WDR41: variants seen among roughly 807,000 people sequenced by gnomAD.
The protein encoded by WDR41 is WD repeat domain 41, also known as WD repeat-containing protein 41.
In WDR41, 63 loss-of-function variants were observed where a neutral mutation model predicts 69.3. The ratio of observed to expected loss-of-function variants is 0.91; its 90% CI spans 0.74 to 1.12. The LOEUF (loss-of-function observed/expected upper bound fraction) is 1.12. Ranked by LOEUF, WDR41 falls within the 50% of genes most tolerant of loss-of-function variation. The pLI, the probability that WDR41 is intolerant of heterozygous loss-of-function variation, is 0.00. For missense variants in WDR41, 543 were observed against 534.5 expected (o/e 1.02, Z -0.16); for synonymous variants, 185 against 192.1 (o/e 0.96, Z 0.31).
At chr5:77,589,674 T>C (rs989531130) in intron 1 of WDR41, among the ~76,000 whole-genome samples, 13 of 152,332 alleles carry the variant, frequency 8.5e-5, no homozygotes, top group African/African-American at 2.9e-4. Context: ...TAAACATGAT[T>C]GATTTTTGTA....
intron 8 of WDR41, among the ~76,000 whole-genome samples, chr5:77,444,867 A>G (rs1799315410): frequency 6.6e-6 from 1 of 152,234 alleles, no homozygotes; most frequent in Non-Finnish European, 1.5e-5. Context: ...GTATAATTTT[A>G]TAGTCATAGA....
chr5:77,482,476 GA>G (rs34579478), intron 2 of WDR41, among the ~76,000 whole-genome samples: 5 of 149,886 alleles, frequency 3.3e-5, no homozygotes, highest in South Asian at 2.1e-4. Context: ...TTTATTTGTT[GA>G]AAAAAAAATT....
At chr5:77,547,551 T>C (rs1021032871) in intron 1 of WDR41, among the ~76,000 whole-genome samples, 5 of 143,476 alleles carry the variant, frequency 3.5e-5, no homozygotes, top group Admixed American at 3.4e-4. Flanking sequence ...AAACAAAAAA[T>C]AAACTTAGGA....
intron 1 of WDR41, among the ~76,000 whole-genome samples, chr5:77,584,979 T>C (rs548030997): frequency 6.6e-6 from 1 of 152,210 alleles, no homozygotes; most frequent in East Asian, 1.9e-4. Flanking sequence ...AGCTGGGACC[T>C]AATTAAACTA....
chr5:77,493,320 T>C (rs1801884501), upstream of WDR41, among the ~76,000 whole-genome samples: 1 of 152,200 alleles, frequency 6.6e-6, no homozygotes, highest in African/African-American at 2.4e-5. Flanking sequence ...CAGTAAATTG[T>C]TGTAGGGAAT....
chr5:77,593,414 A>G (rs1744166643), intron 1 of WDR41, among the ~76,000 whole-genome samples: 1 of 152,194 alleles, frequency 6.6e-6, no homozygotes, highest in South Asian at 2.1e-4. Context: ...CTATGGCAGC[A>G]TTACAAAAGA....
At chr5:77,577,365 T>C (rs1256684740) in intron 1 of WDR41, among the ~76,000 whole-genome samples, 1 of 149,758 alleles carries the variant, frequency 6.7e-6, no homozygotes, top group Non-Finnish European at 1.5e-5. Context: ...TAAAGATAAT[T>C]TTCAAAATAG....
chr5:77,586,280 TTGTATTTATTTATTTATTTA>T (rs1253373151), intron 1 of WDR41, among the ~76,000 whole-genome samples: 4 of 149,048 alleles, frequency 2.7e-5, no homozygotes, highest in African/African-American at 4.9e-5. Context: ...CTTTTATATT[TTGTATTTATTTATTTATTTA>T]TGTATTTATT....
chr5:77,561,047 T>C (rs569473948), intron 1 of WDR41, among the ~76,000 whole-genome samples: 1 of 152,304 alleles, frequency 6.6e-6, no homozygotes, highest in South Asian at 2.1e-4. Context: ...CCTGATTAGA[T>C]GTTGACAAGT....
At position 77,449,882 on chromosome 5, in the gene WDR41, A is replaced by C. The variant is rs752159171; in HGVS notation, c.587-12T>G. 3 of 1,563,948 alleles carry C rather than the reference A, an allele frequency of 1.9e-6. No homozygotes were observed. In the South Asian group the frequency reaches 3.4e-5, roughly 17 times the overall value. ...CAACCTGAAAATTACTAAATGAAAAAGACAGATAAAATTTTATTACAATGC... is the reference window on the plus strand; with the variant it reads ...CAACCTGAAAATTACTAAATGAAAACGACAGATAAAATTTTATTACAATGC... On this transcript the variant is annotated splice_polypyrimidine_tract_variant and intron_variant, in intron 7 of 12. Coordinates refer to ENST00000296679, the MANE Select transcript of WDR41 (RefSeq NM_018268.4).
intron 12 of WDR41, among the ~76,000 whole-genome samples, chr5:77,435,786 T>C (rs760198017): frequency 6.6e-6 from 1 of 152,234 alleles, no homozygotes; most frequent in Non-Finnish European, 1.5e-5. Context: ...ACTTTCATAT[T>C]TGCACAATGA....
chr5:77,616,269 C>T (rs1049568322), intron 1 of WDR41, among the ~76,000 whole-genome samples: 2 of 152,100 alleles, frequency 1.3e-5, no homozygotes, highest in African/African-American at 2.4e-5. Flanking sequence ...CAGTAACTAG[C>T]CTGTGATAAA....
At chr5:77,543,436 A>T (rs1743130504) in intron 1 of WDR41, among the ~76,000 whole-genome samples, 1 of 151,576 alleles carries the variant, frequency 6.6e-6, no homozygotes, top group Admixed American at 6.6e-5. Context: ...ATATTCAAGG[A>T]AATAGATAGC....
At chr5:77,458,121 A>T (rs1237155283) in intron 5 of WDR41, among the ~76,000 whole-genome samples, 1 of 152,168 alleles carries the variant, frequency 6.6e-6, no homozygotes, top group Non-Finnish European at 1.5e-5. Flanking sequence ...ATTTCAGGTC[A>T]CATAAAGTAT....
intron 1 of WDR41, among the ~76,000 whole-genome samples, chr5:77,617,383 T>C (rs1744697717): frequency 6.6e-6 from 1 of 152,126 alleles, no homozygotes. Context: ...GTCTCTCTCA[T>C]CTACACACAT....
In WDR41 at chr5:77,451,732, T is replaced by C. The variant is rs7711401; in HGVS notation, c.524-379A>G. ...GATGTAAAATTGGGGTTTTCCTTCA[T>C]GTAAACTTTAGAAGCCTGAGCAGGC... On this transcript the variant is annotated intron_variant, in intron 6 of 12. Coordinates refer to ENST00000296679, the MANE Select transcript of WDR41 (RefSeq NM_018268.4). 520 of 170,886 alleles carry C rather than the reference T, an allele frequency of 3.0e-3. 4 individuals carry two copies. Among genetic ancestry groups the C allele is most frequent in the African/African-American group, 0.012 (487 of 41,848 alleles). 10.6% of individuals were successfully genotyped at this position (170,886 alleles called of 1,614,324 possible). A position where few individuals can be genotyped will look rare whatever the true frequency, so the allele number is the denominator to read the frequency against.
intron 8 of WDR41, among the ~76,000 whole-genome samples, chr5:77,447,632 G>A (rs1799436832): frequency 6.6e-6 from 1 of 152,182 alleles, no homozygotes; most frequent in Non-Finnish European, 1.5e-5. Context: ...TAGTCATGAA[G>A]CTGGAAGCCA....
rs1798714924 is a variant in WDR41, at chr5:77,431,349, TCA to T, written c.*1784_*1785del. The T allele has an allele frequency of 1.3e-5, 2 of 152,304 alleles. No homozygotes were observed. The highest frequency in any genetic ancestry group is 4.8e-5 in the African/African-American group (2 of 41,448). The allele number at this position is 152,304 out of a possible 1,614,324, so 9.4% of individuals were successfully genotyped here. ...AAAAAGATTATGACTCGCTGAAGGC[TCA>T]GATGATTGTTAGCATTTTTTAGCAA... On this transcript the variant is annotated 3_prime_UTR_variant, in exon 13 of 13. Transcript: ENST00000296679.
intron 1 of WDR41, among the ~76,000 whole-genome samples, chr5:77,556,055 C>G (rs1232460893): frequency 3.5e-5 from 5 of 144,304 alleles, no homozygotes; most frequent in African/African-American, 1.3e-4. Context: ...AACCCAGAAA[C>G]AGGTTTGATT....
Sources: allele counts gnomAD v4.1 joint callset (sites outside exome capture counted in the v4.1 genomes callset), GRCh38; gene constraint gnomAD v4.1.1; transcripts MANE v1.5; gene names NCBI Gene and HGNC (gene_info 2026-07-23, HGNC 2026-07-21).